The following PTPRC variants were observed in gnomAD, a reference collection of about 807,000 sequenced individuals.
The protein encoded by PTPRC is receptor-type tyrosine-protein phosphatase C.
PTPRC carries 44 observed loss-of-function variants against 155.9 expected under a neutral mutation model. That is an observed-to-expected ratio of 0.28 (90% CI 0.22 to 0.36). The LOEUF (loss-of-function observed/expected upper bound fraction) is 0.36, where lower values mean the gene tolerates loss of function less well. Ranked by LOEUF, PTPRC falls within the 10% of genes least tolerant of loss-of-function variation. PTPRC has a pLI of 1.00. For synonymous variants in PTPRC, 525 were observed against 533.1 expected, an observed-to-expected ratio of 0.98 and a Z score of 0.21; for missense variants, 1,401 against 1,564.6, an observed-to-expected ratio of 0.90 and a Z score of 1.76.
intron 23 of PTPRC, among the ~76,000 whole-genome samples, chr1:198,738,737 T>G (rs1654764663): frequency 6.6e-6 from 1 of 151,788 alleles, no homozygotes; most frequent in Non-Finnish European, 1.5e-5. Context: ...CTAGTTCTTC[T>G]TTAAATGTTT....
Position 198,723,112 on chromosome 1 carries a change from C to CATATATATAT in PTPRC, c.1720+648_1720+657dup, listed in dbSNP as rs3033891. On this transcript the variant is annotated intron_variant, in intron 15 of 32. Transcript: ENST00000442510. ...TTTTGGGTCTCCTTATAGTTTCCTT[C>CATATATATAT]ATATATATATATATATATATAAACA... Among the ~76,000 whole-genome samples, 201 of 144,106 alleles carry CATATATATAT rather than the reference C, an allele frequency of 1.4e-3. 1 individual carries two copies. The highest frequency in any genetic ancestry group is 4.7e-3 in the African/African-American group (188 of 39,674). The allele number at this position is 144,106 out of a possible 152,430, so 94.5% of individuals were successfully genotyped here.
At chr1:198,676,492 C>T (rs1293307849) in intron 2 of PTPRC, among the ~76,000 whole-genome samples, 1 of 152,140 alleles carries the variant, frequency 6.6e-6, no homozygotes, top group Non-Finnish European at 1.5e-5. Context: ...CTGAGACTTG[C>T]ATGGCTCTGG....
intron 2 of PTPRC, among the ~76,000 whole-genome samples, chr1:198,654,538 T>C (rs1663437083): frequency 6.6e-6 from 1 of 151,818 alleles, no homozygotes; most frequent in African/African-American, 2.4e-5. Flanking sequence ...TCTGTTGTCC[T>C]ATTTTACAAT....
chr1:198,658,917 A>G (rs1354161406), intron 2 of PTPRC, among the ~76,000 whole-genome samples: 1 of 152,104 alleles, frequency 6.6e-6, no homozygotes, highest in Admixed American at 6.5e-5. Context: ...TGAGAACGTT[A>G]AGTTGAATAA....
chr1:198,746,219 A>G (rs1290735134), intron 26 of PTPRC, among the ~76,000 whole-genome samples: 4 of 151,908 alleles, frequency 2.6e-5, no homozygotes, highest in Admixed American at 6.6e-5. Flanking sequence ...AATACCTGAC[A>G]CTTCCCAGTG....
intron 23 of PTPRC, among the ~76,000 whole-genome samples, chr1:198,738,623 G>GTCTT (rs1654759556): frequency 6.6e-6 from 1 of 151,464 alleles, no homozygotes; most frequent in African/African-American, 2.4e-5. Context: ...TTTTTGATGT[G>GTCTT]TCTTTGTCTG....
At chr1:198,715,267 C>A (rs1015903321) in intron 12 of PTPRC, among the ~76,000 whole-genome samples, 1 of 151,942 alleles carries the variant, frequency 6.6e-6, no homozygotes, top group Non-Finnish European at 1.5e-5. Context: ...GGACTACAGG[C>A]GCCCGCCACC....
rs116458395 is a variant in PTPRC, at chr1:198,703,171, G to T, written c.584-127G>T. The T allele has an allele frequency of 2.9e-4, 377 of 1,293,408 alleles. 1 individual carries two copies. Among genetic ancestry groups the T allele is most frequent in the South Asian group, 5.0e-5 (4 of 79,478 alleles). The allele number at this position is 1,293,408 out of a possible 1,614,324, so 80.1% of individuals were successfully genotyped here. A position where few individuals can be genotyped will look rare whatever the true frequency, so the allele number is the denominator to read the frequency against. ...TTTATTATTTTAAAAACAAGCGAAT[G>T]TCAAATCAAACGAGGACTCCTAGAG... On this transcript the variant is annotated intron_variant, in intron 6 of 32. Coordinates refer to ENST00000442510, the MANE Select transcript of PTPRC (RefSeq NM_002838.5).
At chr1:198,641,580 C>G (rs907660126) in intron 2 of PTPRC, among the ~76,000 whole-genome samples, 2 of 152,040 alleles carry the variant, frequency 1.3e-5, no homozygotes, top group African/African-American at 2.4e-5. Context: ...CAGTTTTACT[C>G]AAGACTTCCT....
intron 31 of PTPRC, among the ~76,000 whole-genome samples, chr1:198,753,793 A>C (rs1285721958): frequency 6.6e-6 from 1 of 152,060 alleles, no homozygotes; most frequent in African/African-American, 2.4e-5. Flanking sequence ...TTACTTTTCT[A>C]CTGATGCAGA....
intron 26 of PTPRC, among the ~76,000 whole-genome samples, chr1:198,745,684 G>T (rs913865533): frequency 6.6e-6 from 1 of 151,764 alleles, no homozygotes; most frequent in African/African-American, 2.4e-5. Context: ...GAGCTCTTTG[G>T]GGGTAGAGGC....
intron 6 of PTPRC, among the ~76,000 whole-genome samples, 175 bp from the exon 7 acceptor site, chr1:198,703,123 C>G (rs1418474642): frequency 1.3e-5 from 2 of 152,114 alleles, no homozygotes; most frequent in Non-Finnish European, 2.9e-5. Context: ...GTTTAAATAA[C>G]TTGAAATAAA....
chr1:198,747,018 G>A lies in PTPRC; in HGVS notation c.2848-1091G>A, dbSNP rs148773473. On this transcript the variant is annotated intron_variant, in intron 26 of 32. Transcript: ENST00000442510. ...TATATACACACACGTATCTACATGC[G>A]TGTGTGTGTATATAAAATCTTACCG... Among the ~76,000 whole-genome samples, 981 of 151,814 alleles carry A rather than the reference G, an allele frequency of 6.5e-3. 31 individuals carry two copies. The highest frequency in any genetic ancestry group is 0.054 in the Admixed American group (818 of 15,188).
intron 2 of PTPRC, among the ~76,000 whole-genome samples, chr1:198,652,231 C>T (rs950886778): frequency 3.6e-4 from 54 of 151,628 alleles, no homozygotes; most frequent in Admixed American, 1.5e-3. Context: ...GATATAAAGC[C>T]GCAGTTTAAG....
chr1:198,663,221 G>A (rs1664084689), intron 2 of PTPRC, among the ~76,000 whole-genome samples: 1 of 152,220 alleles, frequency 6.6e-6, no homozygotes, highest in Admixed American at 6.5e-5. Flanking sequence ...GAGTACACCT[G>A]CTTCCCTCTA....
chr1:198,694,760 C>G, intron 3 of PTPRC: 2 of 946,972 alleles, frequency 2.1e-6, no homozygotes, highest in Non-Finnish European at 2.5e-6. Flanking sequence ...CTCCCTTTCT[C>G]CCACCCCCTT....
rs1176620686 is a variant in PTPRC at position 198,716,694 on chromosome 1, T to A, written c.1304T>A (p.Leu435His). Residue 435 changes from leucine (L) to histidine (H), a missense_variant, in exon 13 of 33, where the codon CTC becomes CAC. Coordinates refer to ENST00000442510, the MANE Select transcript of PTPRC (RefSeq NM_002838.5). ...CYIKETEKDC[L>H]NLDKNLIKYD... ...CATTTTTCCTCAGAAAAAGATTGCCTCAATCTGGATAAAAACCTGATCAAA... is the reference window on the plus strand; with the variant it reads ...CATTTTTCCTCAGAAAAAGATTGCCACAATCTGGATAAAAACCTGATCAAA... 6.2e-7 allele frequency: 1 copy of A among 1,611,758 alleles called. No individual in the cohort carries two copies.
intron 2 of PTPRC, 41 bp from the exon 3 acceptor site, chr1:198,692,306 A>G: frequency 6.9e-7 from 1 of 1,452,546 alleles, no homozygotes; most frequent in Non-Finnish European, 9.3e-7. Flanking sequence ...ATATGAATGA[A>G]ATTTGAAATT....
chr1:198,696,333 T>A (rs1057255125), intron 3 of PTPRC, among the ~76,000 whole-genome samples: 1 of 152,056 alleles, frequency 6.6e-6, no homozygotes, highest in Non-Finnish European at 1.5e-5. Context: ...TTAATTTTTT[T>A]AATCATCTTT....
Sources: gnomAD v4.1 joint callset for allele counts (sites outside exome capture counted in the v4.1 genomes callset) on GRCh38, gnomAD v4.1.1 for gene constraint, MANE v1.5 for transcripts, NCBI Gene and HGNC (gene_info 2026-07-23, HGNC 2026-07-21) for gene names.